Variants in SLC17A3 observed in about 807,000 individuals in gnomAD.
The protein encoded by SLC17A3 is sodium-dependent phosphate transport protein 4.
Under a neutral mutation model 60.3 loss-of-function variants are expected in SLC17A3, and 61 were observed. That is an observed-to-expected ratio of 1.01 (90% CI 0.82 to 1.25). SLC17A3 has a LOEUF of 1.25. SLC17A3 is among the 50% of genes most tolerant of loss of function. SLC17A3 has a pLI of 0.00. For synonymous variants in SLC17A3, 192 were observed against 208.9 expected, an observed-to-expected ratio of 0.92 and a Z score of 0.70; for missense variants, 624 against 594.9, an observed-to-expected ratio of 1.05 and a Z score of -0.51.
chr6:25,853,402 G>A (rs1416543310), intron 6 of SLC17A3, among the ~76,000 whole-genome samples: 2 of 127,142 alleles, frequency 1.6e-5, no homozygotes, highest in African/African-American at 2.9e-5. Context: ...ATTAATTTCT[G>A]CATGTTTTTT....
intron 1 of SLC17A3, among the ~76,000 whole-genome samples, chr6:25,868,957 A>G (rs1331864367): frequency 1.3e-5 from 2 of 151,922 alleles, no homozygotes; most frequent in Non-Finnish European, 2.9e-5. Flanking sequence ...CCTGGCTTCT[A>G]CTACCCCTGA....
intron 11 of SLC17A3, among the ~76,000 whole-genome samples, chr6:25,846,212 T>A (rs1765172370): frequency 6.6e-6 from 1 of 152,202 alleles, no homozygotes; most frequent in South Asian, 2.1e-4. Flanking sequence ...TAACCAGAAT[T>A]ACTTGCCTTT....
In SLC17A3 at chr6:25,845,244, C is replaced by A. The variant is rs867591048; in HGVS notation, c.*57G>T. ...TTCACTGGTATTTTCATCACGGAAGCCTTCTATTTTATGCAATACGGTGCC... is the reference window on the plus strand; with the variant it reads ...TTCACTGGTATTTTCATCACGGAAGACTTCTATTTTATGCAATACGGTGCC... On this transcript the variant is annotated 3_prime_UTR_variant, in exon 13 of 13. Coordinates refer to ENST00000397060, the MANE Select transcript of SLC17A3 (RefSeq NM_001098486.2). 5.3e-6 allele frequency: 5 copies of A among 945,182 alleles called. No individual in the cohort carries two copies. The highest frequency in any genetic ancestry group is 2.1e-5 in the Admixed American group (1 of 46,834). 58.5% of individuals were successfully genotyped at this position (945,182 alleles called of 1,614,324 possible).
At chr6:25,860,594 G>C (rs901355515) in intron 5 of SLC17A3, among the ~76,000 whole-genome samples, 7 of 152,112 alleles carry the variant, frequency 4.6e-5, no homozygotes, top group African/African-American at 1.7e-4. Flanking sequence ...AGGCCAGAAA[G>C]GATCACCTGC....
intron 11 of SLC17A3, among the ~76,000 whole-genome samples, chr6:25,848,856 T>G (rs889455204): frequency 1.3e-5 from 2 of 152,074 alleles, no homozygotes; most frequent in African/African-American, 4.8e-5. Context: ...GAGAAAGGAC[T>G]AATATCCAGA....
At chr6:25,855,990 G>C (rs2151521911) in intron 5 of SLC17A3, among the ~76,000 whole-genome samples, 1 of 152,172 alleles carries the variant, frequency 6.6e-6, no homozygotes, top group Non-Finnish European at 1.5e-5. Flanking sequence ...TGTCATTCTA[G>C]AGTCTACGCA....
At chr6:25,847,740 A>T (rs1277592371) in intron 11 of SLC17A3, among the ~76,000 whole-genome samples, 2 of 151,436 alleles carry the variant, frequency 1.3e-5, no homozygotes, top group Admixed American at 6.6e-5. Flanking sequence ...TTTTATTATT[A>T]TTTTTTAATT....
chr6:25,870,140 G>T (rs1765617642), intron 1 of SLC17A3, among the ~76,000 whole-genome samples: 1 of 151,904 alleles, frequency 6.6e-6, no homozygotes, highest in Non-Finnish European at 1.5e-5. Flanking sequence ...ACTTAGAAGT[G>T]GAATACCTGG....
chr6:25,852,667 G>T (rs1163180173), intron 6 of SLC17A3, among the ~76,000 whole-genome samples: 1 of 151,856 alleles, frequency 6.6e-6, no homozygotes, highest in Non-Finnish European at 1.5e-5. Context: ...GTTTTATTGG[G>T]TCTTCTTTAT....
At position 25,850,103 on chromosome 6, in the gene SLC17A3, G is replaced by A; in HGVS notation, c.1068C>T (p.Phe356=). Residue 356 remains phenylalanine, a synonymous_variant, in exon 9 of 13, where the codon TTC becomes TTT. Transcript: ENST00000397060. The part of the protein sequence containing the change: ...IGMVGGYLAD[F]LLTKKFRLIT... ...TGAGTCTAAACTTTTTGGTTAGAAGGAAATCTGCCAGATAGCCTCCCACCA... is the reference window on the plus strand; with the variant it reads ...TGAGTCTAAACTTTTTGGTTAGAAGAAAATCTGCCAGATAGCCTCCCACCA... The A allele has an allele frequency of 6.2e-7, 1 of 1,613,894 alleles. No individual in the cohort carries two copies. Among genetic ancestry groups the A allele is most frequent in the South Asian group, 1.1e-5 (1 of 91,070 alleles).
At position 25,856,846 on chromosome 6, in the gene SLC17A3, CA is replaced by C. The variant is rs70977234; in HGVS notation, c.626-1617del. Reference sequence around the variant, plus strand: ...TGGGCGACAGAGTGAGACTCTGTCTCAAAAAAAAAAAAAAAAAAATTACCTT... The same window carrying C: ...TGGGCGACAGAGTGAGACTCTGTCTCAAAAAAAAAAAAAAAAAATTACCTT... On this transcript the variant is annotated intron_variant, in intron 5 of 12. Coordinates refer to ENST00000397060, the MANE Select transcript of SLC17A3 (RefSeq NM_001098486.2). 6.4e-3 allele frequency among the ~76,000 whole-genome samples: 539 copies of C among 84,686 alleles called. 3 individuals are homozygous for C. The highest frequency in any genetic ancestry group is 0.013 in the East Asian group (31 of 2,404). 55.6% of individuals were successfully genotyped at this position (84,686 alleles called of 152,430 possible).
chr6:25,861,863 A>G lies in SLC17A3; in HGVS notation c.470T>C (p.Ile157Thr). The G allele has an allele frequency of 6.2e-7, 1 of 1,613,520 alleles. No homozygotes were observed. The highest frequency in any genetic ancestry group is 8.5e-7 in the Non-Finnish European group (1 of 1,179,660). The change falls in exon 4 of 13, where the codon ATC becomes ACC. Residue 157 changes from isoleucine to threonine, a missense_variant. Transcript: ENST00000397060. The part of the protein sequence containing the change: ...LFATSFLTLC[I>T]PLATDFGIVL... The stretch of plus-strand genomic sequence containing the variant: ...TATTCCAAAGTCAGTGGCCAGAGGG[A>G]TGCATAGAGTGAGAAATGAAGTTGC...
At chr6:25,867,216 C>T (rs928536261) in intron 2 of SLC17A3, among the ~76,000 whole-genome samples, 3 of 151,954 alleles carry the variant, frequency 2.0e-5, no homozygotes, top group African/African-American at 7.2e-5. Context: ...TGGCTAAGAG[C>T]TAATTCCATG....
At chr6:25,853,698 G>T (rs535473525) in intron 6 of SLC17A3, among the ~76,000 whole-genome samples, 1 of 151,966 alleles carries the variant, frequency 6.6e-6, no homozygotes. Flanking sequence ...GATTACAGGC[G>T]TGAGCCACCG....
Position 25,845,195 on chromosome 6 carries a change from G to C in SLC17A3, c.*106C>G. ...AATGAACTGATCTCATAATTGAAAA[G>C]AGCCACAGGAAAAAAAAAATCTTTT... On this transcript the variant is annotated 3_prime_UTR_variant, in exon 13 of 13. Transcript: ENST00000397060. 1 of 538,142 alleles carries C rather than the reference G, an allele frequency of 1.9e-6. No individual in the cohort carries two copies. The highest frequency in any genetic ancestry group is 3.1e-6 in the Non-Finnish European group (1 of 324,316). 33.3% of individuals were successfully genotyped at this position (538,142 alleles called of 1,614,324 possible).
At chr6:25,862,159 A>G in intron 3 of SLC17A3, 74 bp downstream of exon 3, 1 of 1,455,024 alleles carries the variant, frequency 6.9e-7, no homozygotes, top group Non-Finnish European at 9.5e-7. Context: ...AAACATACAT[A>G]CTCTAGAAAA....
intron 5 of SLC17A3, among the ~76,000 whole-genome samples, chr6:25,860,508 G>A (rs1256201269): frequency 2.0e-5 from 3 of 152,090 alleles, no homozygotes; most frequent in African/African-American, 4.8e-5. Flanking sequence ...TCCACCTGCC[G>A]ATGGGATTCT....
intron 1 of SLC17A3, among the ~76,000 whole-genome samples, chr6:25,870,974 C>T (rs1348724204): frequency 8.5e-5 from 13 of 152,102 alleles, no homozygotes; most frequent in East Asian, 7.8e-4. Flanking sequence ...TGTTTGAATA[C>T]GCCCCATGTT....
In SLC17A3 at chr6:25,850,070, C is replaced by T. The variant is rs1285766570; in HGVS notation, c.1101G>A (p.Val367=). ...TACCTAAAATTGTGGCAATTTTCCT[C>T]ACAGTGATGAGTCTAAACTTTTTGG... ...LLTKKFRLIT[V]RKIATILGSL... is the part of the protein sequence containing the mutation. Residue 367 remains valine (V), a synonymous_variant, in exon 9 of 13, where the codon GTG becomes GTA. Coordinates refer to ENST00000397060, the MANE Select transcript of SLC17A3 (RefSeq NM_001098486.2). The T allele has an allele frequency of 6.2e-7, 1 of 1,613,840 alleles. No individual in the cohort carries two copies. The highest frequency in any genetic ancestry group is 1.3e-5 in the African/African-American group (1 of 74,924).
Sources: allele counts gnomAD v4.1 joint callset (sites outside exome capture counted in the v4.1 genomes callset), GRCh38; gene constraint gnomAD v4.1.1; transcripts MANE v1.5; gene names NCBI Gene and HGNC (gene_info 2026-07-23, HGNC 2026-07-21).